The following GPC5 variants were observed in gnomAD, a reference collection of about 807,000 sequenced individuals.
GPC5 encodes the protein glypican-5.
Under a neutral mutation model 53.9 loss-of-function variants are expected in GPC5, and 47 were observed. The observed-to-expected ratio is 0.87, with a 90% CI of 0.69 to 1.11. GPC5 has a LOEUF of 1.11. Among genes scored for constraint, GPC5 ranks in the 50% most tolerant of loss-of-function variants. The pLI, the probability that GPC5 is intolerant of heterozygous loss-of-function variation, is 0.00. For synonymous variants in GPC5, 286 were observed against 263.3 expected, an observed-to-expected ratio of 1.09 and a Z score of -0.84; for missense variants, 748 against 713.1, an observed-to-expected ratio of 1.05 and a Z score of -0.56.
At chr13:91,996,292 G>C (rs895330368) in intron 6 of GPC5, 1 of 152,200 alleles carries the variant, frequency 6.6e-6, no homozygotes, top group Non-Finnish European at 1.5e-5. Context: ...ACTCCAACAG[G>C]GTTCAAGGTC....
At chr13:92,243,620 T>G (rs2139119127) in intron 7 of GPC5, among the ~76,000 whole-genome samples, 1 of 152,314 alleles carries the variant, frequency 6.6e-6, no homozygotes, top group Admixed American at 6.5e-5. Context: ...GTGAATGATA[T>G]TGTCATTTAT....
At chr13:92,463,431 T>A (rs866278105) in intron 7 of GPC5, among the ~76,000 whole-genome samples, 2 of 152,186 alleles carry the variant, frequency 1.3e-5, no homozygotes, top group South Asian at 2.1e-4. Context: ...AAGGCTAGCG[T>A]TTGCCAGATG....
intron 7 of GPC5, among the ~76,000 whole-genome samples, chr13:92,230,732 T>G (rs1009909063): frequency 1.3e-5 from 2 of 152,166 alleles, no homozygotes; most frequent in African/African-American, 4.8e-5. Flanking sequence ...TACTGCCAAT[T>G]ATTCCTTTGA....
At chr13:91,820,097 A>G (rs9515978) in intron 5 of GPC5, among the ~76,000 whole-genome samples, 49,506 of 151,746 alleles carry the variant, frequency 0.33, 9,526 homozygotes, top group East Asian at 0.64. Flanking sequence ...TGTCATTGTC[A>G]TTGTTGGTGG....
At chr13:91,716,595 A>C (rs2036343282) in intron 3 of GPC5, among the ~76,000 whole-genome samples, 1 of 152,062 alleles carries the variant, frequency 6.6e-6, no homozygotes, top group Admixed American at 6.5e-5. Context: ...TCTTTTTCTT[A>C]GTTTTTCAAA....
chr13:91,644,663 C>A (rs186845832), intron 2 of GPC5, among the ~76,000 whole-genome samples: 125 of 152,156 alleles, frequency 8.2e-4, no homozygotes, highest in African/African-American at 2.9e-3. Flanking sequence ...TGTTTGATGG[C>A]AGAGCAATAT....
At chr13:91,667,314 G>A (rs540831877) in intron 2 of GPC5, among the ~76,000 whole-genome samples, 8 of 152,118 alleles carry the variant, frequency 5.3e-5, no homozygotes, top group African/African-American at 1.9e-4. Flanking sequence ...ATGTGTGTGT[G>A]GGTATGTGTG....
intron 7 of GPC5, among the ~76,000 whole-genome samples, chr13:92,311,203 A>C (rs1201240741): frequency 1.3e-5 from 2 of 152,230 alleles, no homozygotes; most frequent in Non-Finnish European, 2.9e-5. Flanking sequence ...TAAAATGTCC[A>C]TATAGCAATT....
intron 7 of GPC5, among the ~76,000 whole-genome samples, chr13:92,856,220 C>T (rs769499759): frequency 2.6e-5 from 4 of 151,976 alleles, no homozygotes; most frequent in East Asian, 3.9e-4. Context: ...TAAATAAATG[C>T]GATTCACCAC....
intron 7 of GPC5, among the ~76,000 whole-genome samples, chr13:92,317,469 G>A (rs1438747395): frequency 3.3e-5 from 5 of 149,360 alleles, no homozygotes; most frequent in South Asian, 2.1e-4. Context: ...TACCTTTTCC[G>A]TTTTTTTGTT....
At chr13:92,650,345 C>T (rs1249016156) in intron 7 of GPC5, among the ~76,000 whole-genome samples, 2 of 152,244 alleles carry the variant, frequency 1.3e-5, no homozygotes, top group Admixed American at 6.5e-5. Context: ...CCTTCACACA[C>T]TATAGGATTC....
chr13:91,544,572 A>G (rs1377122767), intron 2 of GPC5, among the ~76,000 whole-genome samples: 1 of 152,178 alleles, frequency 6.6e-6, no homozygotes, highest in Non-Finnish European at 1.5e-5. Flanking sequence ...TTGTTCAAAA[A>G]GTTGTATTCA....
chr13:92,719,193 C>T (rs779983683), intron 7 of GPC5, among the ~76,000 whole-genome samples: 2 of 147,400 alleles, frequency 1.4e-5, no homozygotes, highest in East Asian at 2.4e-4. Context: ...TGATTTTGTA[C>T]CAAGAGGGTA....
rs192838093 is a variant in GPC5 at position 92,810,187 on chromosome 13, G to T, written c.1562-56095G>T. ...GTGAAATCAAAGATAATTCTACTAG[G>T]TAATCACAAAGTTGTGCTTTTATTA... is the stretch of plus-strand genomic sequence containing the variant. On this transcript the variant is annotated intron_variant, in intron 7 of 7. Coordinates refer to ENST00000377067, the MANE Select transcript of GPC5 (RefSeq NM_004466.6). Among the ~76,000 whole-genome samples the T allele has an allele frequency of 2.7e-4, 40 of 150,258 alleles. No individual in the cohort carries two copies. In the East Asian group the frequency reaches 5.2e-3, roughly 20 times the overall value.
intron 2 of GPC5, among the ~76,000 whole-genome samples, chr13:91,584,118 G>A (rs1163195340): frequency 7.2e-5 from 11 of 152,170 alleles, no homozygotes; most frequent in Admixed American, 7.2e-4. Context: ...GGAGAAGATG[G>A]CCATCTGCAA....
chr13:92,050,943 A>C (rs1203592096), intron 6 of GPC5, among the ~76,000 whole-genome samples: 9 of 152,234 alleles, frequency 5.9e-5, no homozygotes, highest in Non-Finnish European at 1.2e-4. Context: ...AATTTGCTGC[A>C]CTTTATTTAA....
At chr13:92,472,692 A>G (rs1371674726) in intron 7 of GPC5, among the ~76,000 whole-genome samples, 1 of 152,100 alleles carries the variant, frequency 6.6e-6, no homozygotes, top group Non-Finnish European at 1.5e-5. Flanking sequence ...AAAATGTGGA[A>G]TGCACTATCT....
chr13:92,435,394 A>G (rs1364549725), intron 7 of GPC5, among the ~76,000 whole-genome samples: 2 of 152,230 alleles, frequency 1.3e-5, no homozygotes, highest in Non-Finnish European at 1.5e-5. Context: ...CATAATTTCT[A>G]TGGAACGGTT....
chr13:92,048,675 ACTCTTTAAAC>A (rs1436359027), intron 6 of GPC5, among the ~76,000 whole-genome samples: 1 of 152,198 alleles, frequency 6.6e-6, no homozygotes. Context: ...TCCAGTGTTG[ACTCTTTAAAC>A]ATTTGATTTC....
Sources: allele counts gnomAD v4.1 joint callset (sites outside exome capture counted in the v4.1 genomes callset), GRCh38; gene constraint gnomAD v4.1.1; transcripts MANE v1.5; gene names NCBI Gene and HGNC (gene_info 2026-07-23, HGNC 2026-07-21).